The following SHANK2 variants were observed in gnomAD, a reference collection of about 807,000 sequenced individuals.
SHANK2 encodes SH3 and multiple ankyrin repeat domains 2.
SHANK2 carries 43 observed loss-of-function variants against 133.7 expected under a neutral mutation model. That is an observed-to-expected ratio of 0.32 (90% CI 0.25 to 0.41). The LOEUF is 0.41. SHANK2 is among the 10% of genes least tolerant of loss of function. The pLI is 1.00. For synonymous variants in SHANK2, 1,017 were observed against 952.8 expected, an observed-to-expected ratio of 1.07 and a Z score of -1.24; for missense variants, 1,994 against 2,235.8, an observed-to-expected ratio of 0.89 and a Z score of 2.18.
chr11:70,881,534 G>A (rs868985604), intron 11 of SHANK2, among the ~76,000 whole-genome samples: 73 of 144,726 alleles, frequency 5.0e-4, no homozygotes, highest in South Asian at 1.4e-3. Flanking sequence ...GAACAATACA[G>A]GGAGACCCTG....
At chr11:71,140,336 G>T (rs545079328) in intron 3 of SHANK2, among the ~76,000 whole-genome samples, 19 of 152,346 alleles carry the variant, frequency 1.2e-4, no homozygotes, top group African/African-American at 4.3e-4. Context: ...GGCTGGAGCA[G>T]ACCTGTGGCT....
At chr11:70,547,895 T>A (rs1253197722) in intron 17 of SHANK2, among the ~76,000 whole-genome samples, 1 of 152,262 alleles carries the variant, frequency 6.6e-6, no homozygotes, top group African/African-American at 2.4e-5. Context: ...CTGAGCTTCA[T>A]GGCAGCAGAG....
At position 71,147,139 on chromosome 11, in the gene SHANK2, ATGACCACG is replaced by A. The variant is rs1952667695; in HGVS notation, c.180_187del (p.Val61ProfsTer2). On this transcript the variant is annotated frameshift_variant, in exon 3 of 26. Transcript: ENST00000601538. LOFTEE classifies it high-confidence loss of function. ...GCTCACCGTCTGCTGCAGGTCATGGATGACCACGCGGATCACCAGCGTGTTGCCCTGGC... is the reference window on the plus strand; with the variant it reads ...GCTCACCGTCTGCTGCAGGTCATGGACGGATCACCAGCGTGTTGCCCTGGC... The A allele has an allele frequency of 1.9e-6, 3 of 1,549,028 alleles. No individual in the cohort carries two copies. The highest frequency in any genetic ancestry group is 2.6e-6 in the Non-Finnish European group (3 of 1,146,760).
rs1948199111 is a variant in SHANK2, at chr11:71,252,335, C to G, written c.-113+90G>C. 1 of 152,264 alleles carries G rather than the reference C, an allele frequency of 6.6e-6. No homozygotes were observed. 9.4% of individuals were successfully genotyped at this position (152,264 alleles called of 1,614,324 possible). Reference sequence around the variant, plus strand: ...GGTGCTCCCGGAATCGAGATGCCCCCAAAATGCCGTCAGTGAGCAGGATCG... The same window carrying G: ...GGTGCTCCCGGAATCGAGATGCCCCGAAAATGCCGTCAGTGAGCAGGATCG... On this transcript the variant is annotated intron_variant, in intron 1 of 25. Coordinates refer to ENST00000601538, the MANE Select transcript of SHANK2 (RefSeq NM_012309.5). This position sits in a 1 kb window ranked among gnomAD's most constrained non-coding sequence, Gnocchi z 6.3.
intron 17 of SHANK2, among the ~76,000 whole-genome samples, chr11:70,510,364 T>A (rs1205808347): frequency 2.6e-5 from 4 of 151,950 alleles, no homozygotes; most frequent in African/African-American, 9.7e-5. Context: ...TGGGAGGGAG[T>A]GGGCAGTGCA....
At chr11:70,731,093 T>C (rs1555032059) in intron 14 of SHANK2, among the ~76,000 whole-genome samples, 1 of 152,134 alleles carries the variant, frequency 6.6e-6, no homozygotes, top group Non-Finnish European at 1.5e-5. Context: ...ATGGGACCTT[T>C]AAGGAGATAA....
At chr11:70,642,033 C>A (rs549468256) in intron 17 of SHANK2, among the ~76,000 whole-genome samples, 1 of 152,156 alleles carries the variant, frequency 6.6e-6, no homozygotes, top group Admixed American at 6.5e-5. Context: ...GAGAAGGCTA[C>A]GGGGGACTGG....
chr11:70,518,485 C>T (rs11236503), intron 17 of SHANK2, among the ~76,000 whole-genome samples: 43,131 of 152,146 alleles, frequency 0.28, 6,696 homozygotes, highest in African/African-American at 0.41. Context: ...TTACTTGACT[C>T]ATGAGCAAGA....
chr11:71,111,196 C>T lies in SHANK2; in HGVS notation c.484-1147G>A, dbSNP rs577015929. Among the ~76,000 whole-genome samples, 5 of 152,304 alleles carry T rather than the reference C, an allele frequency of 3.3e-5. No homozygotes were observed. The East Asian group carries it at 5.8e-4, about 18-fold the overall frequency. ...AGAGCTATGAATGCTCCTTTGCTTT[C>T]GTAAGAGACAGCTGGGCCGCTGGAG... On this transcript the variant is annotated intron_variant, in intron 5 of 25. Transcript: ENST00000601538.
intron 13 of SHANK2, among the ~76,000 whole-genome samples, chr11:70,805,472 A>G (rs1361929764): frequency 6.6e-6 from 1 of 152,216 alleles, no homozygotes; most frequent in African/African-American, 2.4e-5. Flanking sequence ...ATCCCTGCAC[A>G]GATGGCCCCT....
At chr11:70,685,933 A>G (rs893008604) in intron 15 of SHANK2, among the ~76,000 whole-genome samples, 1 of 151,780 alleles carries the variant, frequency 6.6e-6, no homozygotes, top group Non-Finnish European at 1.5e-5. Flanking sequence ...TCAGTCAGCC[A>G]CCCACCCACT....
At chr11:71,185,228 C>T (rs1953646200) in intron 2 of SHANK2, among the ~76,000 whole-genome samples, 1 of 151,628 alleles carries the variant, frequency 6.6e-6, no homozygotes, top group African/African-American at 2.4e-5. Flanking sequence ...TTCAACTTTC[C>T]AGACCATCTA....
chr11:70,881,037 GTCTT>G (rs1326747383), intron 11 of SHANK2, among the ~76,000 whole-genome samples: 3 of 152,320 alleles, frequency 2.0e-5, no homozygotes, highest in East Asian at 3.9e-4. Flanking sequence ...CACCTTGAGA[GTCTT>G]TCTTTTTGTT....
intron 14 of SHANK2, among the ~76,000 whole-genome samples, chr11:70,711,455 T>C: frequency 6.6e-6 from 1 of 152,374 alleles, no homozygotes; most frequent in Admixed American, 6.5e-5. Flanking sequence ...CTGATGGGGA[T>C]GAAAGACCGA....
At chr11:70,676,335 C>G (rs73525990) in intron 15 of SHANK2, among the ~76,000 whole-genome samples, 1 of 152,226 alleles carries the variant, frequency 6.6e-6, no homozygotes, top group African/African-American at 2.4e-5. Context: ...CAAGGCCAAG[C>G]GGACCCGAGG....
At chr11:71,251,944 C>T (rs909613195) in intron 1 of SHANK2, among the ~76,000 whole-genome samples, 1 of 152,042 alleles carries the variant, frequency 6.6e-6, no homozygotes, top group East Asian at 2.0e-4. Context: ...ACCTGGCGGC[C>T]CCGCGCCGGC....
chr11:70,527,765 A>G (rs2059418486), intron 17 of SHANK2, among the ~76,000 whole-genome samples: 1 of 152,172 alleles, frequency 6.6e-6, no homozygotes, highest in Admixed American at 6.5e-5. Flanking sequence ...TGAGCTACGA[A>G]TGTGCCTGAC....
chr11:71,186,084 C>T (rs545115288), intron 2 of SHANK2, among the ~76,000 whole-genome samples: 4 of 152,340 alleles, frequency 2.6e-5, no homozygotes. Context: ...TACACTGGTA[C>T]AGTGACGCCC....
At chr11:70,784,349 T>TTTTG (rs1947594516) in intron 14 of SHANK2, among the ~76,000 whole-genome samples, 1 of 120,742 alleles carries the variant, frequency 8.3e-6, no homozygotes, top group Non-Finnish European at 1.7e-5. Flanking sequence ...GCTAGTTTTT[T>TTTTG]TTTTTTTTTT....
Sources: gnomAD v4.1 joint callset for allele counts (sites outside exome capture counted in the v4.1 genomes callset) on GRCh38, gnomAD v4.1.1 for gene constraint, Gnocchi (gnomAD v3.1) non-coding constraint, MANE v1.5 for transcripts, NCBI Gene and HGNC (gene_info 2026-07-23, HGNC 2026-07-21) for gene names.